JARID2: variants seen among roughly 807,000 people sequenced by gnomAD.
The protein encoded by JARID2 is jumonji and AT-rich interaction domain containing 2.
Under a neutral mutation model 125.6 loss-of-function variants are expected in JARID2, and 21 were observed. The ratio of observed to expected loss-of-function variants is 0.17; its 90% confidence interval spans 0.12 to 0.24. The LOEUF (loss-of-function observed/expected upper bound fraction) is 0.24, where lower values mean the gene tolerates loss of function less well. Ranked by LOEUF, JARID2 falls within the 10% of genes least tolerant of loss-of-function variation. The pLI is 1.00. For missense variants in JARID2, 1,303 were observed against 1,639.6 expected, an observed-to-expected ratio of 0.79 and a Z score of 3.55; for synonymous variants, 736 against 661.6, an observed-to-expected ratio of 1.11 and a Z score of -1.73.
At chr6:15,355,361 GT>G (rs1373824748) in intron 1 of JARID2, among the ~76,000 whole-genome samples, 6 of 152,142 alleles carry the variant, frequency 3.9e-5, no homozygotes, top group Non-Finnish European at 5.9e-5. Context: ...TTATGATTTT[GT>G]TTTGCCTATT....
intron 1 of JARID2, among the ~76,000 whole-genome samples, chr6:15,292,056 G>T (rs780975515): frequency 6.6e-6 from 1 of 151,758 alleles, no homozygotes; most frequent in Non-Finnish European, 1.5e-5. Context: ...TTGCTCTGTC[G>T]CCCAAGCTGG....
chr6:15,367,499 A>T (rs1440783474), intron 1 of JARID2, among the ~76,000 whole-genome samples: 2 of 152,162 alleles, frequency 1.3e-5, no homozygotes, highest in Non-Finnish European at 2.9e-5. Context: ...TTTTGCTTTT[A>T]CCTAGGAGTC....
chr6:15,282,185 C>T (rs999002445), intron 1 of JARID2, among the ~76,000 whole-genome samples: 10 of 152,178 alleles, frequency 6.6e-5, no homozygotes, highest in East Asian at 1.9e-4. Flanking sequence ...TCAGGTGATC[C>T]GCCCACCTTG....
chr6:15,381,570 A>T (rs911635950), intron 2 of JARID2, among the ~76,000 whole-genome samples: 1 of 152,186 alleles, frequency 6.6e-6, no homozygotes, highest in African/African-American at 2.4e-5. Context: ...AAGGGCTTCA[A>T]TGTTGTTGAA....
At chr6:15,351,433 GAC>G (rs2127482072) in intron 1 of JARID2, among the ~76,000 whole-genome samples, 1 of 152,280 alleles carries the variant, frequency 6.6e-6, no homozygotes, top group Admixed American at 6.5e-5. Context: ...CTCATGGAAA[GAC>G]ACTGGCCTCA....
rs79314011 is a variant in JARID2 at position 15,390,474 on chromosome 6, C to A, written c.181+16222C>A. On this transcript the variant is annotated intron_variant, in intron 2 of 17. Transcript: ENST00000341776. The stretch of plus-strand genomic sequence containing the variant: ...GCCTTCTGGGGTCTCCCTTTATGGA[C>A]GAATTCCAAGGGAATAGGTTAAGAT... 3.9e-3 allele frequency among the ~76,000 whole-genome samples: 593 copies of A among 152,258 alleles called. 4 individuals are homozygous for A. The highest frequency in any genetic ancestry group is 0.024 in the Middle Eastern group (7 of 294).
At chr6:15,428,916 CA>C (rs763876904) in intron 3 of JARID2, among the ~76,000 whole-genome samples, 30 of 59,606 alleles carry the variant, frequency 5.0e-4, no homozygotes, top group African/African-American at 8.8e-4. Context: ...AAAAAAACAA[CA>C]AAAAAAAAAC....
At chr6:15,255,792 CTTA>C in intron 1 of JARID2, among the ~76,000 whole-genome samples, 1 of 152,136 alleles carries the variant, frequency 6.6e-6, no homozygotes, top group East Asian at 1.9e-4. Flanking sequence ...TGAGTGAATG[CTTA>C]TTCTGTTAAG....
chr6:15,403,178 G>A (rs1765505233), intron 2 of JARID2, among the ~76,000 whole-genome samples: 1 of 152,178 alleles, frequency 6.6e-6, no homozygotes, highest in Non-Finnish European at 1.5e-5. Context: ...GATCATCAGA[G>A]TTTAAATAGC....
intron 5 of JARID2, among the ~76,000 whole-genome samples, chr6:15,477,897 C>T (rs183840106): frequency 2.0e-5 from 3 of 152,278 alleles, no homozygotes; most frequent in Admixed American, 6.5e-5. Flanking sequence ...GCCTGGGGCA[C>T]GATGAGGACT....
chr6:15,402,769 A>G (rs574205979), intron 2 of JARID2, among the ~76,000 whole-genome samples: 3 of 152,258 alleles, frequency 2.0e-5, no homozygotes, highest in South Asian at 2.1e-4. Flanking sequence ...ATGAGCTGAT[A>G]GAAGCTCGAG....
intron 1 of JARID2, among the ~76,000 whole-genome samples, chr6:15,369,012 C>T (rs889066919): frequency 2.6e-5 from 4 of 151,420 alleles, no homozygotes; most frequent in Non-Finnish European, 5.9e-5. Context: ...CTTGGAGTTG[C>T]AACACTATGG....
At chr6:15,420,296 A>G (rs1766425373) in intron 3 of JARID2, among the ~76,000 whole-genome samples, 1 of 151,534 alleles carries the variant, frequency 6.6e-6, no homozygotes, top group East Asian at 1.9e-4. Context: ...CCAGCTACTC[A>G]GGAGGCTGAG....
At chr6:15,279,596 A>G (rs1217431260) in intron 1 of JARID2, among the ~76,000 whole-genome samples, 2 of 152,186 alleles carry the variant, frequency 1.3e-5, no homozygotes, top group Admixed American at 1.3e-4. Context: ...CACTTGCATT[A>G]AAATCTTACT....
chr6:15,520,678 G>C lies in JARID2; in HGVS notation c.*427G>C. On this transcript the variant is annotated 3_prime_UTR_variant, in exon 18 of 18. Transcript: ENST00000341776. ...TGAGCAGATTTTTTAGAAGGGATAG[G>C]AGACACACGCGCACACACACACACA... The C allele has an allele frequency of 2.6e-6, 1 of 380,038 alleles. No homozygotes were observed. The highest frequency in any genetic ancestry group is 5.4e-6 in the Non-Finnish European group (1 of 185,042). 23.5% of individuals were successfully genotyped at this position (380,038 alleles called of 1,614,324 possible).
chr6:15,471,924 A>C (rs1358675667), intron 5 of JARID2, among the ~76,000 whole-genome samples: 1 of 152,144 alleles, frequency 6.6e-6, no homozygotes, highest in Non-Finnish European at 1.5e-5. Context: ...ATCTCTGTGC[A>C]TTTACACAGA....
intron 3 of JARID2, among the ~76,000 whole-genome samples, chr6:15,426,209 G>A (rs764142442): frequency 2.0e-5 from 3 of 152,140 alleles, no homozygotes; most frequent in African/African-American, 4.8e-5. Context: ...AATAATCCTC[G>A]AGTGGGGCCG....
intron 1 of JARID2, among the ~76,000 whole-genome samples, chr6:15,305,043 G>A (rs1388161939): frequency 6.6e-6 from 1 of 152,042 alleles, no homozygotes; most frequent in African/African-American, 2.4e-5. Context: ...TGGCAGGAGG[G>A]GTGCCCACTG....
chr6:15,453,444 CTTG>C (rs1341609854), intron 4 of JARID2, among the ~76,000 whole-genome samples: 7 of 152,214 alleles, frequency 4.6e-5, no homozygotes, highest in African/African-American at 7.2e-5. Flanking sequence ...ATTCCTCCTC[CTTG>C]TTGTTGGGTC....
Sources: gnomAD v4.1 joint callset for allele counts (sites outside exome capture counted in the v4.1 genomes callset) on GRCh38, gnomAD v4.1.1 for gene constraint, MANE v1.5 for transcripts, NCBI Gene and HGNC (gene_info 2026-07-23, HGNC 2026-07-21) for gene names.